Variants in CEP128 observed in about 807,000 individuals in gnomAD.
The protein encoded by CEP128 is centrosomal protein 128, also known as centrosomal protein 128kDa.
A neutral mutation model predicts 156.7 loss-of-function variants in CEP128; 132 were observed. The ratio of observed to expected loss-of-function variants is 0.84; its 90% confidence interval spans 0.73 to 0.97. The LOEUF (loss-of-function observed/expected upper bound fraction) is 0.97, where lower values mean the gene tolerates loss of function less well. CEP128 is among the 50% of genes least tolerant of loss of function. The pLI is 0.00. For synonymous variants in CEP128, 469 were observed against 448.9 expected (o/e 1.04, Z -0.57); for missense variants, 1,252 against 1,281.9 (o/e 0.98, Z 0.36).
intron 19 of CEP128, among the ~76,000 whole-genome samples, chr14:80,634,947 A>T (rs892611336): frequency 2.0e-5 from 3 of 152,186 alleles, no homozygotes; most frequent in Admixed American, 2.0e-4. Context: ...CTGGTTTATC[A>T]GTGTGCGTTC....
chr14:80,713,653 TG>T (rs1244818387), intron 19 of CEP128, among the ~76,000 whole-genome samples: 1 of 152,208 alleles, frequency 6.6e-6, no homozygotes, highest in African/African-American at 2.4e-5. Context: ...AAGGTCTTAT[TG>T]TTCTTTAATC....
intron 18 of CEP128, among the ~76,000 whole-genome samples, chr14:80,756,361 A>C (rs1471212589): frequency 6.6e-6 from 1 of 152,106 alleles, no homozygotes; most frequent in Non-Finnish European, 1.5e-5. Flanking sequence ...TTCAAAGGTA[A>C]ACTTTATCTT....
chr14:80,736,717 AG>A (rs945790604), intron 19 of CEP128, among the ~76,000 whole-genome samples: 6 of 152,208 alleles, frequency 3.9e-5, no homozygotes, highest in Non-Finnish European at 8.8e-5. Flanking sequence ...CGTTACACAG[AG>A]GTGAAAAAGG....
At chr14:80,724,937 T>C (rs1032679464) in intron 19 of CEP128, among the ~76,000 whole-genome samples, 21 of 148,340 alleles carry the variant, frequency 1.4e-4, no homozygotes, top group Non-Finnish European at 2.8e-4. Context: ...ACCTACTATA[T>C]ATATATATCA....
chr14:80,858,139 C>G (rs1887302376), intron 9 of CEP128, among the ~76,000 whole-genome samples: 1 of 151,726 alleles, frequency 6.6e-6, no homozygotes. Flanking sequence ...TACCTGACTT[C>G]AAACTATACT....
intron 19 of CEP128, among the ~76,000 whole-genome samples, chr14:80,643,311 T>C (rs1402291158): frequency 2.0e-5 from 3 of 152,126 alleles, no homozygotes; most frequent in Admixed American, 2.0e-4. Flanking sequence ...CTGTGGGAGA[T>C]GGTGGCCATG....
At chr14:80,896,438 C>T (rs1212791311) in intron 7 of CEP128, among the ~76,000 whole-genome samples, 3 of 152,138 alleles carry the variant, frequency 2.0e-5, no homozygotes, top group African/African-American at 7.2e-5. Context: ...TTGCTGGTTG[C>T]CTTCATCATG....
At chr14:80,950,267 C>CT (rs1281686574) in intron 2 of CEP128, among the ~76,000 whole-genome samples, 1 of 152,168 alleles carries the variant, frequency 6.6e-6, no homozygotes, top group African/African-American at 2.4e-5. Flanking sequence ...CCACCAACAC[C>CT]TTAACTTTAG....
chr14:80,846,856 C>T (rs1886633448), intron 9 of CEP128, among the ~76,000 whole-genome samples: 1 of 152,152 alleles, frequency 6.6e-6, no homozygotes, highest in African/African-American at 2.4e-5. Flanking sequence ...GCTACTACTT[C>T]TGTGATGTAG....
At chr14:80,725,426 G>A (rs1004761609) in intron 19 of CEP128, among the ~76,000 whole-genome samples, 2 of 151,794 alleles carry the variant, frequency 1.3e-5, no homozygotes, top group Non-Finnish European at 2.9e-5. Context: ...CAAGTGATCT[G>A]CCCGCCTCAG....
At chr14:80,665,673 A>T (rs925852998) in intron 19 of CEP128, among the ~76,000 whole-genome samples, 3 of 152,152 alleles carry the variant, frequency 2.0e-5, no homozygotes, top group Admixed American at 1.3e-4. Flanking sequence ...TTATTCCCTA[A>T]TCTCTCGGGG....
In CEP128 at chr14:80,952,683, C is replaced by CA. The variant is rs370425616; in HGVS notation, c.-172+5494dup. Among the ~76,000 whole-genome samples, 233 of 145,844 alleles carry CA rather than the reference C, an allele frequency of 1.6e-3. 2 individuals are homozygous for CA. Among genetic ancestry groups the CA allele is most frequent in the African/African-American group, 1.7e-3 (68 of 39,588 alleles). Reference sequence around the variant, plus strand: ...GAGCATATATCAATGAAATAGAGCACAAAAAAAAATAGAGAATCTAAGAAA... The same window carrying CA: ...GAGCATATATCAATGAAATAGAGCACAAAAAAAAAATAGAGAATCTAAGAAA... On this transcript the variant is annotated intron_variant, in intron 2 of 7. Transcript: ENST00000555529.
chr14:80,627,006 G>A (rs1309499347), intron 19 of CEP128, among the ~76,000 whole-genome samples: 2 of 152,066 alleles, frequency 1.3e-5, no homozygotes, highest in Non-Finnish European at 2.9e-5. Context: ...AGAGATTAAT[G>A]ACTTTTCTTT....
chr14:80,699,650 A>C (rs937512964), intron 19 of CEP128, among the ~76,000 whole-genome samples: 3 of 38,070 alleles, frequency 7.9e-5, no homozygotes, highest in Admixed American at 3.6e-4. Context: ...GATAATACAC[A>C]GAGAGATTAA....
chr14:80,724,985 T>C (rs1359509433), intron 19 of CEP128, among the ~76,000 whole-genome samples: 1 of 145,766 alleles, frequency 6.9e-6, no homozygotes, highest in Non-Finnish European at 1.5e-5. Flanking sequence ...ATATATATCA[T>C]ATATACATAT....
At chr14:80,861,860 A>AT (rs1456699124) in intron 9 of CEP128, among the ~76,000 whole-genome samples, 2 of 152,300 alleles carry the variant, frequency 1.3e-5, no homozygotes, top group African/African-American at 2.4e-5. Flanking sequence ...AAAATGATTT[A>AT]TTTTTTAATC....
At position 80,683,005 on chromosome 14, in the gene CEP128, G is replaced by A. The variant is rs138786678; in HGVS notation, c.2806+60070C>T. On this transcript the variant is annotated intron_variant, in intron 19 of 24. Transcript: ENST00000555265. Reference sequence around the variant, plus strand: ...CCCACCACCCCCACCAAACACACACGTACACACACAAACACACTCACTTAA... The same window carrying A: ...CCCACCACCCCCACCAAACACACACATACACACACAAACACACTCACTTAA... 2.8e-4 allele frequency among the ~76,000 whole-genome samples: 43 copies of A among 151,636 alleles called. 1 individual carries two copies. Among genetic ancestry groups the A allele is most frequent in the African/African-American group, 9.9e-4 (41 of 41,380 alleles).
At chr14:80,558,654 C>T (rs972034234) in intron 21 of CEP128, among the ~76,000 whole-genome samples, 1 of 151,508 alleles carries the variant, frequency 6.6e-6, no homozygotes, top group African/African-American at 2.4e-5. Context: ...AACTCCTGAC[C>T]TCAAATGATC....
At chr14:80,719,182 T>C (rs1365733265) in intron 19 of CEP128, among the ~76,000 whole-genome samples, 1 of 152,180 alleles carries the variant, frequency 6.6e-6, no homozygotes, top group Non-Finnish European at 1.5e-5. Flanking sequence ...ATGGCAACAA[T>C]GCAGAAGTTA....
Sources: allele counts gnomAD v4.1 joint callset (sites outside exome capture counted in the v4.1 genomes callset), GRCh38; gene constraint gnomAD v4.1.1; transcripts MANE v1.5; gene names NCBI Gene and HGNC (gene_info 2026-07-23, HGNC 2026-07-21).